APP: variants seen among roughly 807,000 people sequenced by gnomAD.
The protein encoded by APP is amyloid-beta precursor protein.
A neutral mutation model predicts 101.4 loss-of-function variants in APP; 31 were observed. That is an observed-to-expected ratio of 0.31 (90% CI 0.23 to 0.41). The LOEUF (loss-of-function observed/expected upper bound fraction) is 0.41, where lower values mean the gene tolerates loss of function less well. APP is among the 10% of genes least tolerant of loss of function. The probability of loss-of-function intolerance (pLI) is 1.00; values close to 1 mark genes in which losing one functional copy is unlikely to be tolerated. For synonymous variants in APP, 366 were observed against 364.4 expected (o/e 1.00, Z -0.05); for missense variants, 839 against 1,003.7 (o/e 0.84, Z 2.22).
intron 3 of APP, among the ~76,000 whole-genome samples, chr21:26,068,975 C>T (rs900336070): frequency 2.0e-5 from 3 of 152,136 alleles, no homozygotes; most frequent in African/African-American, 4.8e-5. Flanking sequence ...TATCAAATTC[C>T]GGAAGTGTAC....
At chr21:25,970,709 G>A (rs1256202714) in intron 11 of APP, among the ~76,000 whole-genome samples, 1 of 152,178 alleles carries the variant, frequency 6.6e-6, no homozygotes, top group African/African-American at 2.4e-5. Flanking sequence ...ACAGTGACTC[G>A]CGGCTCTACC....
At chr21:25,934,065 G>C (rs7282689) in intron 13 of APP, 21,849 of 152,048 alleles carry the variant, frequency 0.14, 3,344 homozygotes, top group African/African-American at 0.38. Context: ...AATCATATTA[G>C]AGAAGACACA....
In APP at chr21:26,050,929, A is replaced by G. The variant is rs977778433; in HGVS notation, c.662+71T>C. ...TTTTCAGTGATAAACAGAAAGATTA[A>G]TTTACAGGATACAAATACTCCATAC... is the stretch of plus-strand genomic sequence containing the variant. On this transcript the variant is annotated intron_variant, in intron 5 of 17. Transcript: ENST00000346798. 3 of 1,568,722 alleles carry G rather than the reference A, an allele frequency of 1.9e-6. No individual in the cohort carries two copies. In the African/African-American group the frequency reaches 4.1e-5, roughly 21 times the overall value.
At chr21:26,071,162 CATCAAA>C (rs1174689779) in intron 3 of APP, among the ~76,000 whole-genome samples, 2 of 152,124 alleles carry the variant, frequency 1.3e-5, no homozygotes, top group Non-Finnish European at 2.9e-5. Context: ...TAAAGCAAGG[CATCAAA>C]TGAAAGTGCA....
rs201509588 is a variant in APP, at chr21:26,170,634, G to A, written c.-14C>T. On this transcript the variant is annotated 5_prime_UTR_variant, in exon 1 of 18. Coordinates refer to ENST00000346798, the MANE Select transcript of APP (RefSeq NM_000484.4). ...ACCGGGCAGCATCGCGACCCTGCGC[G>A]GGGCACCGAGTGCGCTGCTGTGCGA... is the stretch of plus-strand genomic sequence containing the variant. 21 of 1,532,714 alleles carry A rather than the reference G, an allele frequency of 1.4e-5. No individual in the cohort carries two copies. The highest frequency in any genetic ancestry group is 2.5e-5 in the East Asian group (1 of 40,474). The allele number at this position is 1,532,714 out of a possible 1,614,324, so 94.9% of individuals were successfully genotyped here. A position where few individuals can be genotyped will look rare whatever the true frequency, so the allele number is the denominator to read the frequency against.
chr21:26,115,991 CTG>C (rs1309250106), intron 1 of APP, among the ~76,000 whole-genome samples: 5 of 152,250 alleles, frequency 3.3e-5, no homozygotes, highest in African/African-American at 9.6e-5. Context: ...AAGATGAGAA[CTG>C]TGATATAACT....
chr21:26,031,856 T>C (rs1197662599), intron 5 of APP, among the ~76,000 whole-genome samples: 1 of 152,214 alleles, frequency 6.6e-6, no homozygotes, highest in African/African-American at 2.4e-5. Flanking sequence ...TACCTTGTCC[T>C]GCCCCAGATT....
chr21:26,025,821 A>G (rs1343856538), intron 5 of APP, among the ~76,000 whole-genome samples: 3 of 152,254 alleles, frequency 2.0e-5, no homozygotes, highest in African/African-American at 7.2e-5. Context: ...TCTTATTACC[A>G]TAGCTTTGAT....
chr21:25,974,857 T>A (rs1434318041), intron 11 of APP, among the ~76,000 whole-genome samples: 1 of 152,156 alleles, frequency 6.6e-6, no homozygotes, highest in Non-Finnish European at 1.5e-5. Context: ...TGTGGGGAAG[T>A]GTGAGTACCT....
chr21:26,135,591 A>G lies in APP; in HGVS notation c.58-23445T>C, dbSNP rs2062878850. Reference sequence around the variant, plus strand: ...GCAAATTATATACAGAAGGCAGCACATTTAGCCTTATTATCTCAAACTCAT... The same window carrying G: ...GCAAATTATATACAGAAGGCAGCACGTTTAGCCTTATTATCTCAAACTCAT... On this transcript the variant is annotated intron_variant, in intron 1 of 17. Coordinates refer to ENST00000346798, the MANE Select transcript of APP (RefSeq NM_000484.4). Among the ~76,000 whole-genome samples the G allele has an allele frequency of 3.9e-5, 6 of 152,156 alleles. No individual in the cohort carries two copies. The South Asian group carries it at 1.2e-3, about 31-fold the overall frequency.
At chr21:26,139,015 T>A (rs1325140138) in intron 1 of APP, among the ~76,000 whole-genome samples, 3 of 152,168 alleles carry the variant, frequency 2.0e-5, no homozygotes, top group Admixed American at 6.5e-5. Context: ...TACACTTTCG[T>A]ATATATCAAG....
intron 2 of APP, among the ~76,000 whole-genome samples, chr21:26,091,135 T>C (rs191810547): frequency 7.4e-4 from 113 of 152,352 alleles, no homozygotes; most frequent in Non-Finnish European, 1.3e-3. Flanking sequence ...GGTGGTTGTT[T>C]TGCCAGATAA....
chr21:26,159,819 T>C (rs1014287754), intron 1 of APP, among the ~76,000 whole-genome samples: 1 of 152,198 alleles, frequency 6.6e-6, no homozygotes, highest in Non-Finnish European at 1.5e-5. Context: ...ATGCTTCCCA[T>C]CTGTGTCCCT....
rs528112290 is a variant in APP, at chr21:26,082,120, G to T, written c.355+7823C>A. ...AGTAATCCCAGCTACTCAGGAGGCCGAGGCAGGAGAATCGCTTGATCCCAG... is the reference window on the plus strand; with the variant it reads ...AGTAATCCCAGCTACTCAGGAGGCCTAGGCAGGAGAATCGCTTGATCCCAG... On this transcript the variant is annotated intron_variant, in intron 3 of 17. Transcript: ENST00000346798. Among the ~76,000 whole-genome samples, 102 of 152,254 alleles carry T rather than the reference G, an allele frequency of 6.7e-4. 4 individuals are homozygous for T. The South Asian group carries it at 0.021, about 31-fold the overall frequency.
At chr21:26,145,303 G>T (rs1359048731) in intron 1 of APP, among the ~76,000 whole-genome samples, 1 of 152,122 alleles carries the variant, frequency 6.6e-6, no homozygotes, top group Non-Finnish European at 1.5e-5. Context: ...GGTGTTGGGG[G>T]TGGGATGGCA....
chr21:26,100,316 C>A (rs1358488063), intron 2 of APP, among the ~76,000 whole-genome samples: 2 of 152,192 alleles, frequency 1.3e-5, no homozygotes, highest in Non-Finnish European at 2.9e-5. Context: ...AGCCTGATCC[C>A]TCCATTCAAA....
At chr21:25,973,942 T>TAAAA (rs1568789777) in intron 11 of APP, among the ~76,000 whole-genome samples, 7 of 73,656 alleles carry the variant, frequency 9.5e-5, no homozygotes, top group African/African-American at 8.4e-4. Context: ...TCCATCTCAT[T>TAAAA]TAAAAAAAAA....
intron 15 of APP, among the ~76,000 whole-genome samples, chr21:25,900,974 T>G (rs1398159859): frequency 1.1e-5 from 1 of 90,790 alleles, no homozygotes; most frequent in African/African-American, 5.7e-5. Context: ...GGCGACAGAG[T>G]GAGACTCCAT....
intron 1 of APP, among the ~76,000 whole-genome samples, chr21:26,160,931 T>C (rs1320501804): frequency 6.6e-6 from 1 of 152,194 alleles, no homozygotes; most frequent in East Asian, 1.9e-4. Flanking sequence ...TGAAACCTTT[T>C]CACAATAAAA....
Sources: gnomAD v4.1 joint callset for allele counts (sites outside exome capture counted in the v4.1 genomes callset) on GRCh38, gnomAD v4.1.1 for gene constraint, MANE v1.5 for transcripts, NCBI Gene and HGNC (gene_info 2026-07-23, HGNC 2026-07-21) for gene names.